Variants in PPP1R37 observed in about 807,000 individuals in gnomAD.
The protein encoded by PPP1R37 is leucine rich repeat containing 68.
A neutral mutation model predicts 61.0 loss-of-function variants in PPP1R37; 21 were observed. The observed-to-expected ratio is 0.34, with a 90% CI of 0.24 to 0.50. PPP1R37 has a LOEUF of 0.50. Among genes scored for constraint, PPP1R37 ranks in the 20% least tolerant of loss-of-function variants. The pLI is 0.98. For missense variants in PPP1R37, 910 were observed against 952.7 expected (o/e 0.96, Z 0.59); for synonymous variants, 443 against 433.5 (o/e 1.02, Z -0.27).
intron 1 of PPP1R37, among the ~76,000 whole-genome samples, chr19:45,116,934 A>C: frequency 7.5e-6 from 1 of 133,622 alleles, no homozygotes. Flanking sequence ...TTTTTTTGAG[A>C]CAGAGTTTCG....
chr19:45,142,475 A>C lies in PPP1R37; in HGVS notation c.874+17A>C. The C allele has an allele frequency of 1.3e-6, 2 of 1,533,636 alleles. No homozygotes were observed. Among genetic ancestry groups the C allele is most frequent in the South Asian group, 2.4e-5 (2 of 83,938 alleles). ...TAGACTCGGGTGGGTGCAGTGGCCC[A>C]CCCCACCCACACCCGTCACCCAGCA... On this transcript the variant is annotated intron_variant, in intron 7 of 12. Coordinates refer to ENST00000221462, the MANE Select transcript of PPP1R37 (RefSeq NM_019121.2).
rs117625742 is a variant in PPP1R37 at position 45,121,974 on chromosome 19, A to G, written c.203-16540A>G. 4.3e-3 allele frequency among the ~76,000 whole-genome samples: 655 copies of G among 152,180 alleles called. 6 individuals are homozygous for G. The highest frequency in any genetic ancestry group is 0.037 in the Middle Eastern group (11 of 294). ...AGTGTAGACGTGTGGTTTTGCAGGG[A>G]TAGAGACGTGCAGCAGCACATCCGC... is the stretch of plus-strand genomic sequence containing the variant. On this transcript the variant is annotated intron_variant, in intron 1 of 12. Transcript: ENST00000221462. This position sits in a 1 kb window ranked among gnomAD's most constrained non-coding sequence, Gnocchi z 4.2.
At chr19:45,133,463 G>A (rs1968502676) in intron 1 of PPP1R37, among the ~76,000 whole-genome samples, 1 of 152,194 alleles carries the variant, frequency 6.6e-6, no homozygotes, top group South Asian at 2.1e-4. Flanking sequence ...CCCACCTAAG[G>A]TCACTGAGTG....
chr19:45,140,429 G>A (rs1280676448), intron 3 of PPP1R37, 77 bp from the exon 4 acceptor site: 4 of 1,093,650 alleles, frequency 3.7e-6, no homozygotes, highest in African/African-American at 1.8e-5. Flanking sequence ...GGGGTGGGAG[G>A]TTGGGGGCAG....
At chr19:45,113,086 T>A (rs1246220756) in intron 1 of PPP1R37, among the ~76,000 whole-genome samples, 2 of 152,114 alleles carry the variant, frequency 1.3e-5, no homozygotes, top group African/African-American at 4.8e-5. Context: ...TACACACCCC[T>A]TCCATAGTGT....
chr19:45,133,183 A>T (rs1050724406), intron 1 of PPP1R37, among the ~76,000 whole-genome samples: 3 of 152,166 alleles, frequency 2.0e-5, no homozygotes, highest in Non-Finnish European at 4.4e-5. Context: ...TCCCGGGTTC[A>T]AGTGATTCTC....
Position 45,143,538 on chromosome 19 carries a change from G to A in PPP1R37, c.892G>A (p.Glu298Lys), listed in dbSNP as rs1208701304. 17 of 1,534,990 alleles carry A rather than the reference G, an allele frequency of 1.1e-5. No individual in the cohort carries two copies. The highest frequency in any genetic ancestry group is 1.7e-4 in the Middle Eastern group (1 of 5,952). Reference sequence around the variant, plus strand: ...TCCTCCAGGTCTGGCCTACATCTGCGAGGGCCTCAAGGAGCAGAGGAAGGG... The same window carrying A: ...TCCTCCAGGTCTGGCCTACATCTGCAAGGGCCTCAAGGAGCAGAGGAAGGG... ...VLDSGLAYIC[E>K]GLKEQRKGLV... The change falls in exon 8 of 13, where the codon GAG becomes AAG. Residue 298 changes from glutamate to lysine, a missense_variant. Physicochemically the swap from Glu to Lys is moderately conservative, Grantham distance 56 (BLOSUM62 1). Transcript: ENST00000221462.
chr19:45,097,952 G>A (rs556295871), intron 1 of PPP1R37, among the ~76,000 whole-genome samples: 1 of 152,296 alleles, frequency 6.6e-6, no homozygotes, highest in Admixed American at 6.5e-5. Context: ...CAGTGGGGCA[G>A]CAGTGTGCTC....
chr19:45,102,603 G>GATGA (rs2122710205), intron 1 of PPP1R37, among the ~76,000 whole-genome samples: 1 of 152,332 alleles, frequency 6.6e-6, no homozygotes, highest in African/African-American at 2.4e-5. Context: ...GGTGGGGCTA[G>GATGA]ATGACCAGCG....
intron 1 of PPP1R37, among the ~76,000 whole-genome samples, chr19:45,134,018 C>CA (rs1384484179): frequency 6.6e-6 from 1 of 152,234 alleles, no homozygotes; most frequent in Non-Finnish European, 1.5e-5. Flanking sequence ...TGAACTGTTT[C>CA]ACGCTGCCAT....
At chr19:45,101,161 T>G (rs1599688353) in intron 1 of PPP1R37, among the ~76,000 whole-genome samples, 1 of 151,988 alleles carries the variant, frequency 6.6e-6, no homozygotes, top group Non-Finnish European at 1.5e-5. Flanking sequence ...GTCCACAGGG[T>G]GTGCAGGAGG....
rs1179478116 is a variant in PPP1R37 at position 45,093,280 on chromosome 19, G to GCCCGGGGCATGTC, written c.-37_-25dup. 2 of 1,330,054 alleles carry GCCCGGGGCATGTC rather than the reference G, an allele frequency of 1.5e-6. No individual in the cohort carries two copies. Among genetic ancestry groups the GCCCGGGGCATGTC allele is most frequent in the East Asian group, 3.0e-5 (1 of 32,878 alleles). 82.4% of individuals were successfully genotyped at this position (1,330,054 alleles called of 1,614,324 possible). ...GCGGACCCGGAGAGACAAATCCGGG[G>GCCCGGGGCATGTC]CCCGGGGCATGTCCCCGGGGCCCCC... On this transcript the variant is annotated 5_prime_UTR_variant, in exon 1 of 13. In the 5' UTR this introduces an upstream ATG that the reference lacks. Coordinates refer to ENST00000221462, the MANE Select transcript of PPP1R37 (RefSeq NM_019121.2).
intron 2 of PPP1R37, among the ~76,000 whole-genome samples, chr19:45,139,807 G>A (rs1968586154): frequency 6.6e-6 from 1 of 152,224 alleles, no homozygotes; most frequent in Non-Finnish European, 1.5e-5. Context: ...GCGGGACGGT[G>A]GGTTCTGACT....
chr19:45,119,257 C>A (rs542953953), intron 1 of PPP1R37, among the ~76,000 whole-genome samples: 1 of 151,954 alleles, frequency 6.6e-6, no homozygotes, highest in Non-Finnish European at 1.5e-5. Context: ...CAGGTTCAAG[C>A]GATTCTCCTG....
chr19:45,126,728 C>G (rs754247986), intron 1 of PPP1R37, among the ~76,000 whole-genome samples: 33 of 152,222 alleles, frequency 2.2e-4, no homozygotes, highest in Non-Finnish European at 4.4e-4. Context: ...GGGACCCCAC[C>G]AGCTATCCAG....
intron 1 of PPP1R37, among the ~76,000 whole-genome samples, chr19:45,116,517 G>C (rs1472479789): frequency 2.0e-5 from 3 of 152,168 alleles, no homozygotes; most frequent in Non-Finnish European, 4.4e-5. Context: ...AGGACTCACG[G>C]CCTCTCAGCA....
Position 45,144,629 on chromosome 19 carries a change from A to G in PPP1R37, c.988-225A>G, listed in dbSNP as rs557168509. ...GTAGGGACTGACTGGGTGCCTGGGG[A>G]GCTGGGAGTGGACGGGGGACCTGGC... On this transcript the variant is annotated intron_variant, in intron 8 of 12. Coordinates refer to ENST00000221462, the MANE Select transcript of PPP1R37 (RefSeq NM_019121.2). 101 of 531,330 alleles carry G rather than the reference A, an allele frequency of 1.9e-4. No individual in the cohort carries two copies. In the South Asian group the frequency reaches 2.6e-3, roughly 13 times the overall value. 32.9% of individuals were successfully genotyped at this position (531,330 alleles called of 1,614,324 possible).
Position 45,130,501 on chromosome 19 carries a change from G to A in PPP1R37, c.203-8013G>A, listed in dbSNP as rs1050400879. Reference sequence around the variant, plus strand: ...CCCAGTGGTTGCTGCCTGCCACGGGGTTTGCACAGGGACTGCGCAGTGGGC... The same window carrying A: ...CCCAGTGGTTGCTGCCTGCCACGGGATTTGCACAGGGACTGCGCAGTGGGC... On this transcript the variant is annotated intron_variant, in intron 1 of 12. Coordinates refer to ENST00000221462, the MANE Select transcript of PPP1R37 (RefSeq NM_019121.2). This position sits in a 1 kb window ranked among gnomAD's most constrained non-coding sequence, Gnocchi z 4.4. 1.3e-5 allele frequency among the ~76,000 whole-genome samples: 2 copies of A among 152,148 alleles called. No individual in the cohort carries two copies. Among genetic ancestry groups the A allele is most frequent in the African/African-American group, 4.8e-5 (2 of 41,432 alleles).
intron 1 of PPP1R37, chr19:45,128,479 A>G (rs1425633695): frequency 4.2e-6 from 3 of 717,126 alleles, no homozygotes; most frequent in African/African-American, 1.8e-5. Flanking sequence ...CAGCGGCAGC[A>G]GCAGGCCCAG....
Sources: gnomAD v4.1 joint callset for allele counts (sites outside exome capture counted in the v4.1 genomes callset) on GRCh38, gnomAD v4.1.1 for gene constraint, Gnocchi (gnomAD v3.1) non-coding constraint, MANE v1.5 for transcripts, NCBI Gene and HGNC (gene_info 2026-07-23, HGNC 2026-07-21) for gene names.